Variants in NBAS observed in about 807,000 individuals in gnomAD.
NBAS encodes NAG/BC035112 fusion.
A neutral mutation model predicts 302.5 loss-of-function variants in NBAS; 219 were observed. The ratio of observed to expected loss-of-function variants is 0.72; its 90% confidence interval spans 0.65 to 0.81. The LOEUF (loss-of-function observed/expected upper bound fraction) is 0.81. NBAS is among the 30% of genes least tolerant of loss of function. The pLI is 0.00. For missense variants in NBAS, 2,932 were observed against 2,841.6 expected, an observed-to-expected ratio of 1.03 and a Z score of -0.72; for synonymous variants, 1,118 against 1,021.6, an observed-to-expected ratio of 1.09 and a Z score of -1.80.
At chr2:15,549,463 T>C (rs1012865660) in intron 6 of NBAS, among the ~76,000 whole-genome samples, 1 of 152,236 alleles carries the variant, frequency 6.6e-6, no homozygotes, top group African/African-American at 2.4e-5. Context: ...GCACAGTGGC[T>C]CATGCCTGTA....
intron 45 of NBAS, among the ~76,000 whole-genome samples, chr2:15,238,220 CTT>C (rs1667693891): frequency 6.6e-6 from 1 of 152,158 alleles, no homozygotes; most frequent in South Asian, 2.1e-4. Context: ...CATTTCCACC[CTT>C]CTCACCCACT....
chr2:15,330,968 A>C (rs1672315587), intron 35 of NBAS, among the ~76,000 whole-genome samples: 1 of 152,180 alleles, frequency 6.6e-6, no homozygotes, highest in African/African-American at 2.4e-5. Context: ...CATTTGCCAA[A>C]AAATAAAAAT....
intron 21 of NBAS, among the ~76,000 whole-genome samples, chr2:15,456,777 T>A (rs9679593): frequency 0.013 from 1,910 of 152,162 alleles, 36 homozygotes; most frequent in African/African-American, 0.043. Context: ...TAATAAATGC[T>A]AGGAAGAAAA....
At chr2:15,000,408 T>C in the NBAS span, among the ~76,000 whole-genome samples, 1 of 152,314 alleles carries the variant, frequency 6.6e-6, no homozygotes, top group African/African-American at 2.4e-5. Flanking sequence ...TGAGCCAATG[T>C]CTTAGAGAAG....
the NBAS span, among the ~76,000 whole-genome samples, chr2:14,828,189 A>T: frequency 2.0e-5 from 3 of 152,208 alleles, no homozygotes; most frequent in East Asian, 3.9e-4. Flanking sequence ...GAAAAAAAAT[A>T]GATAATAAAT....
intron 29 of NBAS, 127 bp from the exon 30 acceptor site, chr2:15,379,958 G>A (rs1480986759): frequency 2.6e-6 from 2 of 778,302 alleles, no homozygotes; most frequent in African/African-American, 1.7e-5. Context: ...TGGCTGCACA[G>A]CACTGTAAAT....
chr2:15,067,878 G>T, the NBAS span, among the ~76,000 whole-genome samples: 77,317 of 151,928 alleles, frequency 0.51, 21,934 homozygotes, highest in Non-Finnish European at 0.62. Context: ...AATGAAGAAA[G>T]ATAAAACATT....
the NBAS span, among the ~76,000 whole-genome samples, chr2:15,134,570 GA>G: frequency 6.6e-6 from 1 of 152,156 alleles, no homozygotes; most frequent in South Asian, 2.1e-4. Context: ...AAAGTGCCCA[GA>G]AAGGAAAGAT....
the NBAS span, among the ~76,000 whole-genome samples, chr2:15,101,874 G>C: frequency 6.6e-6 from 1 of 152,234 alleles, no homozygotes; most frequent in Admixed American, 6.5e-5. Context: ...TCTGAGGGAT[G>C]CTCCGCATTT....
At chr2:15,402,408 C>T in intron 25 of NBAS, 107 bp from the exon 26 acceptor site, 1 of 1,081,280 alleles carries the variant, frequency 9.2e-7, no homozygotes, top group African/African-American at 1.6e-5. Flanking sequence ...AATTAATCAA[C>T]TATAGAAACA....
the NBAS span, among the ~76,000 whole-genome samples, chr2:15,034,023 A>G: frequency 0.18 from 8,366 of 46,594 alleles, 979 homozygotes; most frequent in African/African-American, 0.39. Context: ...AAGAAGAAGA[A>G]GAAGAGGAGG....
the NBAS span, among the ~76,000 whole-genome samples, chr2:14,832,840 T>G: frequency 6.6e-6 from 1 of 152,198 alleles, no homozygotes; most frequent in African/African-American, 2.4e-5. Context: ...GCTCCCCATT[T>G]GTGACAAGCA....
the NBAS span, among the ~76,000 whole-genome samples, chr2:15,042,841 G>C: frequency 2.0e-5 from 3 of 152,168 alleles, no homozygotes; most frequent in African/African-American, 7.2e-5. Context: ...AAACCAGAAA[G>C]CAGCAGTCTT....
At position 15,330,722 on chromosome 2, in the gene NBAS, C is replaced by T. The variant is rs778741498; in HGVS notation, c.4223G>A (p.Arg1408His). 6.0e-5 allele frequency: 97 copies of T among 1,613,848 alleles called. No homozygotes were observed. In the South Asian group the frequency reaches 6.3e-4, roughly 10 times the overall value. ...TTTCATGGTGGTAGCAGTGGTCCAG[C>T]GCAATAGGTCAGCTGAATTGCTACC... ...VPGSNSADLL[R>H]WTTATTMKVL... The change falls in exon 36 of 52, where the codon CGC becomes CAC. Residue 1408 changes from arginine (R) to histidine (H), a missense_variant. Physicochemically the swap from Arg to His is conservative, Grantham distance 29. Transcript: ENST00000281513.
chr2:15,022,408 C>T, the NBAS span, among the ~76,000 whole-genome samples: 1 of 152,104 alleles, frequency 6.6e-6, no homozygotes, highest in Non-Finnish European at 1.5e-5. Context: ...AATCTTACTA[C>T]CCAAAATGAG....
chr2:14,834,579 C>T, the NBAS span, among the ~76,000 whole-genome samples: 2 of 152,114 alleles, frequency 1.3e-5, no homozygotes, highest in African/African-American at 4.8e-5. Flanking sequence ...ATGCAAGGTG[C>T]TATTCAGAAC....
the NBAS span, among the ~76,000 whole-genome samples, chr2:15,064,030 C>T: frequency 6.6e-6 from 1 of 152,112 alleles, no homozygotes; most frequent in Non-Finnish European, 1.5e-5. Flanking sequence ...GTTCTGTATA[C>T]GTCTTGCTAG....
the NBAS span, among the ~76,000 whole-genome samples, chr2:14,793,054 TTC>T: frequency 2.7e-5 from 4 of 146,546 alleles, no homozygotes; most frequent in Non-Finnish European, 1.5e-5. Flanking sequence ...TTCTCATTCT[TTC>T]TCTGTCTCTG....
chr2:14,824,190 G>C, the NBAS span, among the ~76,000 whole-genome samples: 35 of 152,260 alleles, frequency 2.3e-4, no homozygotes, highest in South Asian at 7.1e-3. Flanking sequence ...GTAAATAAGA[G>C]GTAGAACTAG....
Sources: allele counts gnomAD v4.1 joint callset (sites outside exome capture counted in the v4.1 genomes callset), GRCh38; gene constraint gnomAD v4.1.1; transcripts MANE v1.5; gene names NCBI Gene and HGNC (gene_info 2026-07-23, HGNC 2026-07-21).